Variants in RYR2 observed in about 807,000 individuals in gnomAD.
RYR2 encodes cardiac muscle ryanodine receptor-calcium release channel.
Under a neutral mutation model 601.1 loss-of-function variants are expected in RYR2, and 227 were observed. That is an observed-to-expected ratio of 0.38 (90% CI 0.34 to 0.42). The LOEUF is 0.42. Among genes scored for constraint, RYR2 ranks in the 10% least tolerant of loss-of-function variants. The probability of loss-of-function intolerance (pLI) is 1.00; values close to 1 mark genes in which losing one functional copy is unlikely to be tolerated. For synonymous variants in RYR2, 2,223 were observed against 2,175.1 expected (o/e 1.02, Z -0.61); for missense variants, 4,646 against 6,156.5 (o/e 0.75, Z 8.21).
intron 25 of RYR2, among the ~76,000 whole-genome samples, chr1:237,532,997 G>T (rs1218528311): frequency 6.6e-6 from 1 of 152,204 alleles, no homozygotes; most frequent in Non-Finnish European, 1.5e-5. Context: ...ATAGCTAGAT[G>T]ATAGACAGAT....
chr1:237,050,094 C>T (rs1572450484), intron 1 of RYR2, among the ~76,000 whole-genome samples: 2 of 152,132 alleles, frequency 1.3e-5, no homozygotes. Flanking sequence ...AGAGGACCTA[C>T]ACGTAATTGC....
chr1:237,766,810 A>G (rs1693883096), intron 84 of RYR2, among the ~76,000 whole-genome samples: 1 of 152,170 alleles, frequency 6.6e-6, no homozygotes, highest in Non-Finnish European at 1.5e-5. Flanking sequence ...TATCCGTGGG[A>G]CAAACCTGAT....
intron 104 of RYR2, 139 bp from the exon 105 acceptor site, chr1:237,832,413 A>G: frequency 2.0e-6 from 1 of 504,474 alleles, no homozygotes; most frequent in South Asian, 3.4e-5. Context: ...AAGGTCTGGT[A>G]TAGTTAGTTA....
intron 5 of RYR2, among the ~76,000 whole-genome samples, chr1:237,365,448 T>C (rs923212558): frequency 2.6e-5 from 4 of 152,216 alleles, no homozygotes; most frequent in Non-Finnish European, 4.4e-5. Context: ...GAGTATTTCT[T>C]TGAAGCCATC....
intron 1 of RYR2, among the ~76,000 whole-genome samples, chr1:237,239,336 T>C (rs1685911107): frequency 6.6e-6 from 1 of 152,098 alleles, no homozygotes; most frequent in African/African-American, 2.4e-5. Context: ...CGCTCTCTCC[T>C]GCAGAGAGAG....
chr1:237,309,321 G>C (rs975531286), intron 2 of RYR2, among the ~76,000 whole-genome samples: 3 of 151,250 alleles, frequency 2.0e-5, no homozygotes, highest in African/African-American at 7.4e-5. Flanking sequence ...GCTAGACACA[G>C]AGCACTGATT....
At chr1:237,490,656 G>A (rs989278203) in intron 17 of RYR2, among the ~76,000 whole-genome samples, 1 of 152,156 alleles carries the variant, frequency 6.6e-6, no homozygotes, top group Admixed American at 6.5e-5. Context: ...ATTTTGAACA[G>A]CTCCAAAATG....
intron 73 of RYR2, 132 bp from the exon 74 acceptor site, chr1:237,722,994 TGC>T (rs1689876915): frequency 1.5e-6 from 1 of 676,214 alleles, no homozygotes; most frequent in East Asian, 2.6e-5. Context: ...TAACTGCAGC[TGC>T]GCGTCATGTC....
At chr1:237,467,459 T>A (rs934128782) in intron 16 of RYR2, among the ~76,000 whole-genome samples, 1 of 152,122 alleles carries the variant, frequency 6.6e-6, no homozygotes, top group Non-Finnish European at 1.5e-5. Flanking sequence ...TCTGCTATAT[T>A]CCACCCCTAT....
At chr1:237,458,285 C>G (rs371169340) in intron 16 of RYR2, among the ~76,000 whole-genome samples, 2 of 152,116 alleles carry the variant, frequency 1.3e-5, no homozygotes, top group African/African-American at 4.8e-5. Flanking sequence ...AAAAATTAGC[C>G]GAGCGTGGTG....
intron 1 of RYR2, among the ~76,000 whole-genome samples, chr1:237,176,618 G>A (rs1678093837): frequency 6.6e-6 from 1 of 151,434 alleles, no homozygotes; most frequent in South Asian, 2.1e-4. Flanking sequence ...TTTCCTTATA[G>A]CAATATATGA....
At chr1:237,412,917 C>A (rs1161162202) in intron 10 of RYR2, among the ~76,000 whole-genome samples, 1 of 152,078 alleles carries the variant, frequency 6.6e-6, no homozygotes, top group Non-Finnish European at 1.5e-5. Flanking sequence ...GAACAATTGT[C>A]CTCCTAGACT....
At chr1:237,806,357 C>A (rs1660633965) in intron 99 of RYR2, 74 bp downstream of exon 99, 1 of 1,389,390 alleles carries the variant, frequency 7.2e-7, no homozygotes, top group Admixed American at 2.0e-5. Flanking sequence ...AATAAAACTA[C>A]CCCTCAAATG....
chr1:237,063,095 C>T (rs1663089239), intron 1 of RYR2, among the ~76,000 whole-genome samples: 1 of 151,916 alleles, frequency 6.6e-6, no homozygotes, highest in Non-Finnish European at 1.5e-5. Context: ...TTCATGAGTG[C>T]AATTAATGCC....
intron 85 of RYR2, among the ~76,000 whole-genome samples, chr1:237,771,217 T>C (rs1372944772): frequency 6.6e-6 from 1 of 151,898 alleles, no homozygotes; most frequent in African/African-American, 2.4e-5. Context: ...AATATCAGCC[T>C]AGGAAACATA....
intron 3 of RYR2, among the ~76,000 whole-genome samples, chr1:237,340,827 G>T (rs1451517838): frequency 6.6e-6 from 1 of 152,182 alleles, no homozygotes; most frequent in Non-Finnish European, 1.5e-5. Context: ...ATGTAATGGT[G>T]AATGTGATTA....
rs1000947095 is a variant in RYR2, at chr1:237,701,991, G to T, written c.9381G>T (p.Gln3127His). Residue 3127 changes from glutamine to histidine, a missense_variant, in exon 66 of 105, where the codon CAG (glutamine) becomes CAT (histidine). Around this residue, in one of 17 missense-constraint regions of RYR2, gnomAD observed 1,497 missense variants for 1,842.6 expected, o/e 0.81. Coordinates refer to ENST00000366574, the MANE Select transcript of RYR2 (RefSeq NM_001035.3). ...CTTTTTCCTTAGTGGAAGATGTCCA[G>T]GTGTCTTGTTATAGAATTCTGACTA... ...FGEDLILEDVQVSCYRILTSL... is the reference protein window; with the variant it reads ...FGEDLILEDVHVSCYRILTSL... 2 of 1,599,644 alleles carry T rather than the reference G, an allele frequency of 1.3e-6. No homozygotes were observed. Among genetic ancestry groups the T allele is most frequent in the East Asian group, 2.2e-5 (1 of 44,728 alleles).
chr1:237,563,024 CT>C (rs1461534118), intron 27 of RYR2, among the ~76,000 whole-genome samples: 1 of 152,154 alleles, frequency 6.6e-6, no homozygotes, highest in African/African-American at 2.4e-5. Context: ...CCAGATTTCA[CT>C]TTGTATTAGT....
chr1:237,239,779 C>G (rs570019135), intron 1 of RYR2, among the ~76,000 whole-genome samples: 1 of 152,226 alleles, frequency 6.6e-6, no homozygotes, highest in Non-Finnish European at 1.5e-5. Flanking sequence ...GATTATCATA[C>G]AGCAGTGTGC....
Sources: allele counts gnomAD v4.1 joint callset (sites outside exome capture counted in the v4.1 genomes callset), GRCh38; gene constraint gnomAD v4.1.1; regional missense constraint gnomAD v4.1.1; transcripts MANE v1.5; gene names NCBI Gene and HGNC (gene_info 2026-07-23, HGNC 2026-07-21).